Variants in PKD2 observed in about 807,000 individuals in gnomAD.
The protein encoded by PKD2 is polycystin-2.
Under a neutral mutation model 105.9 loss-of-function variants are expected in PKD2, and 48 were observed. The observed-to-expected ratio is 0.45, with a 90% CI of 0.36 to 0.58. The LOEUF (loss-of-function observed/expected upper bound fraction) is 0.58. Among genes scored for constraint, PKD2 ranks in the 20% least tolerant of loss-of-function variants. The pLI, the probability that PKD2 is intolerant of heterozygous loss-of-function variation, is 0.00. For missense variants in PKD2, 1,078 were observed against 1,255.3 expected (o/e 0.86, Z 2.13); for synonymous variants, 464 against 481.1 (o/e 0.96, Z 0.46).
rs746448717 is a variant in PKD2 at position 88,020,683 on chromosome 4, CT to C, written c.709+1130del. Among the ~76,000 whole-genome samples the C allele has an allele frequency of 9.7e-3, 1,344 of 137,916 alleles. 5 individuals are homozygous for C. Among genetic ancestry groups the C allele is most frequent in the Middle Eastern group, 0.019 (5 of 266 alleles). 90.5% of individuals were successfully genotyped at this position (137,916 alleles called of 152,430 possible). ...CCAAACTCCTCTGAGAAAAGGTTTC[CT>C]TTTTTTTTTTTTTTTTTAAATTAGA... On this transcript the variant is annotated intron_variant, in intron 2 of 14. Coordinates refer to ENST00000237596, the MANE Select transcript of PKD2 (RefSeq NM_000297.4).
At chr4:88,019,662 G>T in intron 2 of PKD2, 91 bp downstream of exon 2, 1 of 759,384 alleles carries the variant, frequency 1.3e-6, no homozygotes, top group African/African-American at 1.7e-5. Context: ...GTATGCACCA[G>T]AGGGGCAACT....
At chr4:88,044,183 A>T (rs1727684610) in intron 5 of PKD2, among the ~76,000 whole-genome samples, 1 of 152,210 alleles carries the variant, frequency 6.6e-6, no homozygotes, top group South Asian at 2.1e-4. Flanking sequence ...CCAGGAGGAG[A>T]CTAGAGAATA....
Position 88,074,816 on chromosome 4 carries a change from G to C in PKD2, c.2527G>C (p.Val843Leu), listed in dbSNP as rs1721170823. 1 of 1,613,944 alleles carries C rather than the reference G, an allele frequency of 6.2e-7. No individual in the cohort carries two copies. Among genetic ancestry groups the C allele is most frequent in the South Asian group, 1.1e-5 (1 of 91,076 alleles). Residue 843 changes from valine (V) to leucine (L), a missense_variant, in exon 14 of 15, where the codon GTG becomes CTG. Coordinates refer to ENST00000237596, the MANE Select transcript of PKD2 (RefSeq NM_000297.4). Reference sequence around the variant, plus strand: ...TGTACTGTGTTTTCCTTGCAGCCTGGTGAGACGAGTGGACCGGATGGAGCA... The same window carrying C: ...TGTACTGTGTTTTCCTTGCAGCCTGCTGAGACGAGTGGACCGGATGGAGCA... ...GVSYEEFQVL[V>L]RRVDRMEHSI...
chr4:88,057,633 A>G (rs1001228359), intron 8 of PKD2, among the ~76,000 whole-genome samples: 6 of 151,900 alleles, frequency 3.9e-5, no homozygotes, highest in Non-Finnish European at 8.8e-5. Context: ...ACGGGGTTTC[A>G]CTATATTGGC....
At chr4:88,044,928 T>G (rs1463370747) in intron 5 of PKD2, among the ~76,000 whole-genome samples, 2 of 152,162 alleles carry the variant, frequency 1.3e-5, no homozygotes, top group Non-Finnish European at 2.9e-5. Flanking sequence ...CAACCAGTAG[T>G]CCAGTAGTAG....
intron 4 of PKD2, among the ~76,000 whole-genome samples, chr4:88,040,948 TCC>T (rs36072900): frequency 6.6e-6 from 1 of 152,140 alleles, no homozygotes; most frequent in East Asian, 1.9e-4. Flanking sequence ...TTGCTAGAAG[TCC>T]CCCCTCTTCT....
At chr4:88,074,698 T>G in intron 13 of PKD2, 114 bp from the exon 14 acceptor site, 1 of 1,101,404 alleles carries the variant, frequency 9.1e-7, no homozygotes. Context: ...AGAAAGTGTT[T>G]CAAATGATTG....
chr4:88,019,397 C>T, intron 1 of PKD2, 61 bp from the exon 2 acceptor site: 1 of 853,510 alleles, frequency 1.2e-6, no homozygotes. Flanking sequence ...TTCCCTTTTG[C>T]CATTCATGAG....
At chr4:88,040,741 T>A (rs1482583513) in intron 4 of PKD2, among the ~76,000 whole-genome samples, 1 of 152,204 alleles carries the variant, frequency 6.6e-6, no homozygotes, top group African/African-American at 2.4e-5. Flanking sequence ...TTCTTTTGAC[T>A]TCCATGAAGA....
At chr4:88,071,341 G>C (rs1459428306) in intron 13 of PKD2, among the ~76,000 whole-genome samples, 4 of 151,910 alleles carry the variant, frequency 2.6e-5, no homozygotes, top group African/African-American at 9.7e-5. Flanking sequence ...TGAACCACTG[G>C]ACCCAGCCTC....
At chr4:88,073,785 A>C (rs1289438450) in intron 13 of PKD2, among the ~76,000 whole-genome samples, 6 of 152,144 alleles carry the variant, frequency 3.9e-5, no homozygotes, top group African/African-American at 1.4e-4. Flanking sequence ...TTTGCTGTAC[A>C]CCCTTAAAAG....
At chr4:88,043,102 G>T in intron 4 of PKD2, 131 bp from the exon 5 acceptor site, 1 of 687,636 alleles carries the variant, frequency 1.5e-6, no homozygotes, top group Admixed American at 2.1e-5. Context: ...TGAACTGCCA[G>T]GTCAGGCACA....
intron 2 of PKD2, among the ~76,000 whole-genome samples, chr4:88,026,092 G>A (rs1726949389): frequency 6.7e-6 from 1 of 148,880 alleles, no homozygotes; most frequent in African/African-American, 2.5e-5. Flanking sequence ...TGAAGATATG[G>A]AAGCGACTCT....
intron 2 of PKD2, among the ~76,000 whole-genome samples, chr4:88,021,623 G>A (rs943076041): frequency 5.3e-5 from 8 of 152,164 alleles, no homozygotes; most frequent in African/African-American, 1.9e-4. Flanking sequence ...TACTGCCTCT[G>A]ATTGAACAAG....
At chr4:88,012,544 T>C (rs1392167449) in intron 1 of PKD2, among the ~76,000 whole-genome samples, 2 of 152,350 alleles carry the variant, frequency 1.3e-5, no homozygotes, top group African/African-American at 4.8e-5. Flanking sequence ...CTCTATTTTT[T>C]TTAAATTGGT....
rs192422287 is a variant in PKD2, at chr4:88,053,465, T to C, written c.1716+1307T>C. ...TGAGCCCAGGAGTCTGATACCAGCC[T>C]GGGCAACATGGCAAAACCTCATCTC... On this transcript the variant is annotated intron_variant, in intron 7 of 14. Coordinates refer to ENST00000237596, the MANE Select transcript of PKD2 (RefSeq NM_000297.4). Among the ~76,000 whole-genome samples the C allele has an allele frequency of 3.3e-3, 496 of 152,216 alleles. 3 individuals carry two copies. In the Middle Eastern group the frequency reaches 0.044, roughly 14 times the overall value.
chr4:88,007,679 C>A lies in PKD2; in HGVS notation c.-55C>A. 9.2e-7 allele frequency: 1 copy of A among 1,086,852 alleles called. No individual in the cohort carries two copies. Among genetic ancestry groups the A allele is most frequent in the Non-Finnish European group, 1.1e-6 (1 of 890,660 alleles). 67.3% of individuals were successfully genotyped at this position (1,086,852 alleles called of 1,614,324 possible). ...GAAGAAAGGAACATGGCTCCTGAGG[C>A]GCACAGCGCCGAGCGCGGCGCCGCG... On this transcript the variant is annotated 5_prime_UTR_variant, in exon 1 of 15. Coordinates refer to ENST00000237596, the MANE Select transcript of PKD2 (RefSeq NM_000297.4).
At chr4:88,070,589 TATATATATATATAGAGAGAGAGAGAG>T in intron 13 of PKD2, among the ~76,000 whole-genome samples, 1 of 105,314 alleles carries the variant, frequency 9.5e-6, no homozygotes, top group African/African-American at 3.2e-5. Context: ...TATATATATA[TATATATATATATAGAGAGAGAGAGAG>T]AGAGAGAGAG....
intron 9 of PKD2, among the ~76,000 whole-genome samples, chr4:88,059,993 G>T (rs1219898051): frequency 6.6e-6 from 1 of 152,190 alleles, no homozygotes; most frequent in African/African-American, 2.4e-5. Flanking sequence ...AGACATCCTG[G>T]TGCAGATGTC....
Sources: gnomAD v4.1 joint callset for allele counts (sites outside exome capture counted in the v4.1 genomes callset) on GRCh38, gnomAD v4.1.1 for gene constraint, MANE v1.5 for transcripts, NCBI Gene and HGNC (gene_info 2026-07-23, HGNC 2026-07-21) for gene names.